Variants in ABTB3 observed in about 807,000 individuals in gnomAD.
The protein encoded by ABTB3 is ankyrin repeat- and BTB/POZ domain-containing protein 3.
At chr12:107,553,624 C>T in the ABTB3 span, among the ~76,000 whole-genome samples, 4 of 152,190 alleles carry the variant, frequency 2.6e-5, no homozygotes, top group East Asian at 1.9e-4. Flanking sequence ...GGTGGCAGGA[C>T]GTTCTCCTGT....
chr12:107,514,040 C>A, the ABTB3 span, among the ~76,000 whole-genome samples: 1 of 152,318 alleles, frequency 6.6e-6, no homozygotes, highest in Admixed American at 6.5e-5. Flanking sequence ...AGGCCAGAGG[C>A]TTTAAGTATA....
At chr12:107,617,352 T>C in the ABTB3 span, 1 of 1,614,116 alleles carries the variant, frequency 6.2e-7, no homozygotes, top group Non-Finnish European at 8.5e-7. Flanking sequence ...GATCCCCTGA[T>C]AGGAACCATG....
the ABTB3 span, chr12:107,634,739 A>C: frequency 6.6e-6 from 1 of 152,186 alleles, no homozygotes; most frequent in South Asian, 2.1e-4. Context: ...GTTCCCTCCC[A>C]CCTTTTGTTT....
At chr12:107,336,700 C>T in the ABTB3 span, among the ~76,000 whole-genome samples, 1 of 152,184 alleles carries the variant, frequency 6.6e-6, no homozygotes, top group Non-Finnish European at 1.5e-5. Context: ...CTTGTGTCTC[C>T]AGCACAGCAT....
the ABTB3 span, among the ~76,000 whole-genome samples, chr12:107,383,044 C>T: frequency 6.6e-6 from 1 of 152,144 alleles, no homozygotes; most frequent in Non-Finnish European, 1.5e-5. Context: ...GCACCTTCGC[C>T]CTTCATTGCT....
the ABTB3 span, among the ~76,000 whole-genome samples, chr12:107,566,867 C>T: frequency 2.0e-5 from 3 of 152,138 alleles, no homozygotes; most frequent in Non-Finnish European, 2.9e-5. Context: ...AATTCCAACA[C>T]TTTGTGGGGC....
chr12:107,402,178 T>G, the ABTB3 span, among the ~76,000 whole-genome samples: 1 of 152,182 alleles, frequency 6.6e-6, no homozygotes. Flanking sequence ...CCAACCCTAT[T>G]TTACAGATGG....
At chr12:107,635,506 T>C in the ABTB3 span, 1 of 840,256 alleles carries the variant, frequency 1.2e-6, no homozygotes, top group Non-Finnish European at 1.9e-6. Flanking sequence ...ACAAGGTCAG[T>C]ACAGGAGTCA....
At chr12:107,581,039 T>G in the ABTB3 span, 1 of 1,549,246 alleles carries the variant, frequency 6.5e-7, no homozygotes, top group Non-Finnish European at 8.7e-7. Context: ...GGGTGTGGGC[T>G]GGGGAGTCGG....
the ABTB3 span, among the ~76,000 whole-genome samples, chr12:107,581,965 C>T: frequency 6.6e-6 from 1 of 152,188 alleles, no homozygotes; most frequent in Non-Finnish European, 1.5e-5. Context: ...CATGCACTTT[C>T]CCGACTCCCC....
At chr12:107,587,325 G>T in the ABTB3 span, among the ~76,000 whole-genome samples, 1 of 152,232 alleles carries the variant, frequency 6.6e-6, no homozygotes, top group Non-Finnish European at 1.5e-5. Flanking sequence ...GCTGAGGCGG[G>T]CAGGGGCAGG....
At chr12:107,349,182 G>A in the ABTB3 span, among the ~76,000 whole-genome samples, 1,192 of 152,322 alleles carry the variant, frequency 7.8e-3, 22 homozygotes, top group African/African-American at 0.027. Flanking sequence ...TTCTCAGGAT[G>A]AGCAGCCTGT....
At chr12:107,658,250 G>A in the ABTB3 span, 1 of 153,968 alleles carries the variant, frequency 6.5e-6, no homozygotes, top group African/African-American at 2.4e-5. Context: ...GGGCAGTCTT[G>A]TAGTTTAAAA....
the ABTB3 span, among the ~76,000 whole-genome samples, chr12:107,476,323 A>T: frequency 4.6e-5 from 7 of 152,112 alleles, no homozygotes; most frequent in Admixed American, 3.3e-4. Flanking sequence ...TTCCTGAAAA[A>T]TCACAGAACT....
chr12:107,623,063 T>C, the ABTB3 span, among the ~76,000 whole-genome samples: 1 of 135,286 alleles, frequency 7.4e-6, no homozygotes, highest in Non-Finnish European at 1.7e-5. Flanking sequence ...TTATTTGTCT[T>C]TTTTTTTTTT....
chr12:107,657,245 AC>A, the ABTB3 span, among the ~76,000 whole-genome samples: 2 of 152,038 alleles, frequency 1.3e-5, no homozygotes, highest in Non-Finnish European at 2.9e-5. Flanking sequence ...CCTGTAGTCC[AC>A]CCCCTTGCTT....
At chr12:107,581,633 T>C in the ABTB3 span, among the ~76,000 whole-genome samples, 7 of 152,340 alleles carry the variant, frequency 4.6e-5, no homozygotes, top group Admixed American at 1.3e-4. Flanking sequence ...CCGGTCTTCC[T>C]GTAGTTTTTT....
chr12:107,469,865 C>CTTTTCTTTCTTTCT, the ABTB3 span, among the ~76,000 whole-genome samples: 385 of 88,334 alleles, frequency 4.4e-3, 5 homozygotes, highest in African/African-American at 0.014. Flanking sequence ...TTCTTTCTTT[C>CTTTTCTTTCTTTCT]TTTTCTTTCT....
At chr12:107,393,964 A>G in the ABTB3 span, among the ~76,000 whole-genome samples, 1 of 152,270 alleles carries the variant, frequency 6.6e-6, no homozygotes, top group Non-Finnish European at 1.5e-5. Context: ...TGAATGATAA[A>G]AACAGTGTGC....
Sources: gnomAD v4.1 joint callset for allele counts (sites outside exome capture counted in the v4.1 genomes callset) on GRCh38, gnomAD v4.1.1 for gene constraint, MANE v1.5 for transcripts, NCBI Gene and HGNC (gene_info 2026-07-23, HGNC 2026-07-21) for gene names.